The following RHCE variants were observed in gnomAD, a reference collection of about 807,000 sequenced individuals.
RHCE encodes the protein Rh blood group CcEe antigens.
Under a neutral mutation model 43.8 loss-of-function variants are expected in RHCE, and 22 were observed. The ratio of observed to expected loss-of-function variants is 0.50; its 90% CI spans 0.36 to 0.72. The LOEUF (loss-of-function observed/expected upper bound fraction) is 0.72, where lower values mean the gene tolerates loss of function less well. Among genes scored for constraint, RHCE ranks in the 30% least tolerant of loss-of-function variants. The pLI is 0.00. For synonymous variants in RHCE, 156 were observed against 210.7 expected, an observed-to-expected ratio of 0.74 and a Z score of 2.25; for missense variants, 385 against 525.4, an observed-to-expected ratio of 0.73 and a Z score of 2.61.
chr1:25,399,064 T>C (rs1381699212), intron 3 of RHCE: 1 of 1,605,280 alleles, frequency 6.2e-7, no homozygotes, highest in Non-Finnish European at 8.5e-7. Context: ...ACTGACTATG[T>C]TCATGGGGAT....
intron 3 of RHCE, among the ~76,000 whole-genome samples, chr1:25,397,091 G>A (rs557979588): frequency 8.4e-6 from 1 of 119,326 alleles, no homozygotes; most frequent in Admixed American, 1.0e-4. Context: ...CAGCCTGGGT[G>A]ATGGAGCAAG....
At chr1:25,419,502 C>T (rs559229062) in intron 1 of RHCE, among the ~76,000 whole-genome samples, 1 of 152,220 alleles carries the variant, frequency 6.6e-6, no homozygotes, top group Admixed American at 6.5e-5. Context: ...TTCATATCAA[C>T]CTAGGAACAA....
Position 25,391,055 on chromosome 1 carries a change from C to G in RHCE, c.635-140G>C, listed in dbSNP as rs1020842455. Reference sequence around the variant, plus strand: ...AGTTAGATGGGGAAGTCACGTCTCCCCTCCGAGCTCTCAAGCTGATACCAG... The same window carrying G: ...AGTTAGATGGGGAAGTCACGTCTCCGCTCCGAGCTCTCAAGCTGATACCAG... On this transcript the variant is annotated intron_variant, in intron 4 of 9. Transcript: ENST00000294413. 1.0e-5 allele frequency: 12 copies of G among 1,147,940 alleles called. No individual in the cohort carries two copies. In the East Asian group the frequency reaches 2.2e-4, roughly 21 times the overall value. 71.1% of individuals were successfully genotyped at this position (1,147,940 alleles called of 1,614,324 possible). A position where few individuals can be genotyped will look rare whatever the true frequency, so the allele number is the denominator to read the frequency against.
chr1:25,362,452 C>A lies in RHCE; in HGVS notation c.*75G>T. ...ACTTTGCTGTCATGAGCGTTTCTCACGTACAAATGCAGGCAACAGTGAGAG... is the reference window on the plus strand; with the variant it reads ...ACTTTGCTGTCATGAGCGTTTCTCAAGTACAAATGCAGGCAACAGTGAGAG... On this transcript the variant is annotated 3_prime_UTR_variant, in exon 10 of 10. Coordinates refer to ENST00000294413, the MANE Select transcript of RHCE (RefSeq NM_020485.8). 6.2e-7 allele frequency: 1 copy of A among 1,613,164 alleles called. No homozygotes were observed. Among genetic ancestry groups the A allele is most frequent in the Non-Finnish European group, 8.5e-7 (1 of 1,179,428 alleles).
intron 7 of RHCE, among the ~76,000 whole-genome samples, chr1:25,376,186 C>A (rs758696377): frequency 6.6e-6 from 1 of 152,074 alleles, no homozygotes; most frequent in Non-Finnish European, 1.5e-5. Context: ...ACCCATCTCC[C>A]CTGCCCATCC....
intron 4 of RHCE, among the ~76,000 whole-genome samples, chr1:25,391,318 G>A (rs1376258856): frequency 6.6e-6 from 1 of 152,002 alleles, no homozygotes; most frequent in Non-Finnish European, 1.5e-5. Context: ...CCAAGTAGCT[G>A]GGATTACAGG....
intron 1 of RHCE, among the ~76,000 whole-genome samples, chr1:25,415,314 A>G (rs1040660580): frequency 3.3e-5 from 5 of 152,184 alleles, no homozygotes; most frequent in African/African-American, 1.2e-4. Flanking sequence ...CTGGAAGAAA[A>G]CAAGCAATTC....
At chr1:25,418,775 C>G (rs978759125) in intron 1 of RHCE, among the ~76,000 whole-genome samples, 1 of 152,236 alleles carries the variant, frequency 6.6e-6, no homozygotes, top group African/African-American at 2.4e-5. Context: ...GCACCTCCCT[C>G]CAGAAGCCTC....
upstream of RHCE, among the ~76,000 whole-genome samples, chr1:25,425,795 C>G (rs773851820): frequency 1.3e-5 from 2 of 152,218 alleles, no homozygotes; most frequent in African/African-American, 2.4e-5. Flanking sequence ...CTACCTGAGT[C>G]AAGCTCAGTC....
intron 6 of RHCE, among the ~76,000 whole-genome samples, chr1:25,386,835 AC>A (rs1276050715): frequency 2.2e-5 from 3 of 136,596 alleles, no homozygotes; most frequent in Non-Finnish European, 4.7e-5. Context: ...AACAACAACA[AC>A]AACAAAACAC....
In RHCE at chr1:25,362,315, G is replaced by T; in HGVS notation, c.*212C>A. The T allele has an allele frequency of 2.7e-6, 3 of 1,114,344 alleles. No homozygotes were observed. Among genetic ancestry groups the T allele is most frequent in the Non-Finnish European group, 3.8e-6 (3 of 780,282 alleles). 69.0% of individuals were successfully genotyped at this position (1,114,344 alleles called of 1,614,324 possible). On this transcript the variant is annotated 3_prime_UTR_variant, in exon 10 of 10. Coordinates refer to ENST00000294413, the MANE Select transcript of RHCE (RefSeq NM_020485.8). ...AAAATATTGATAGCATCATCCTAATGAAACTAAACATTTATTTTAAACTTA... is the reference window on the plus strand; with the variant it reads ...AAAATATTGATAGCATCATCCTAATTAAACTAAACATTTATTTTAAACTTA...
rs560128294 is a variant in RHCE at position 25,388,553 on chromosome 1, C to G, written c.939+423G>C. Among the ~76,000 whole-genome samples, 15 of 151,540 alleles carry G rather than the reference C, an allele frequency of 9.9e-5. No individual in the cohort carries two copies. In the East Asian group the frequency reaches 2.7e-3, roughly 28 times the overall value. The stretch of plus-strand genomic sequence containing the variant: ...ATTGGGGCCAAGAGATTCCATCCAC[C>G]AGGCTGCTTTCTTGAAGCAAAAGAC... On this transcript the variant is annotated intron_variant, in intron 6 of 9. Coordinates refer to ENST00000294413, the MANE Select transcript of RHCE (RefSeq NM_020485.8).
At chr1:25,379,528 G>T (rs1471613475) in intron 7 of RHCE, among the ~76,000 whole-genome samples, 3 of 110,062 alleles carry the variant, frequency 2.7e-5, no homozygotes, top group South Asian at 3.2e-4. Flanking sequence ...TTTTAAAGAT[G>T]GGATTTTGCT....
intron 1 of RHCE, among the ~76,000 whole-genome samples, chr1:25,410,578 G>A (rs1384070197): frequency 1.3e-5 from 2 of 151,642 alleles, no homozygotes; most frequent in Admixed American, 6.6e-5. Context: ...AACCACAGGC[G>A]CGCACCACCA....
chr1:25,384,524 AGTT>A (rs1646092026), intron 7 of RHCE, among the ~76,000 whole-genome samples: 1 of 152,102 alleles, frequency 6.6e-6, no homozygotes, highest in Admixed American at 6.6e-5. Flanking sequence ...AGAATTGCAC[AGTT>A]ATTAAGACAG....
rs913060606 is a variant in RHCE, at chr1:25,362,253, A to T, written c.*274T>A. 7 of 669,316 alleles carry T rather than the reference A, an allele frequency of 1.0e-5. No homozygotes were observed. The African/African-American group carries it at 1.1e-4, about 10-fold the overall frequency. The allele number at this position is 669,316 out of a possible 1,614,324, so 41.5% of individuals were successfully genotyped here. Reference sequence around the variant, plus strand: ...AAGAATCTTAAGAATTGTCAATAAAATTAACCCAAAACTTTAATAATGTGT... The same window carrying T: ...AAGAATCTTAAGAATTGTCAATAAATTTAACCCAAAACTTTAATAATGTGT... On this transcript the variant is annotated 3_prime_UTR_variant, in exon 10 of 10. Transcript: ENST00000294413.
At chr1:25,387,951 G>A (rs1646235016) in intron 6 of RHCE, among the ~76,000 whole-genome samples, 1 of 152,036 alleles carries the variant, frequency 6.6e-6, no homozygotes, top group Non-Finnish European at 1.5e-5. Flanking sequence ...CTCCTGAGTA[G>A]CTAAGATGAC....
In RHCE at chr1:25,377,438, T is replaced by C. The variant is rs760319166; in HGVS notation, c.1074-2010A>G. On this transcript the variant is annotated intron_variant, in intron 7 of 9. Coordinates refer to ENST00000294413, the MANE Select transcript of RHCE (RefSeq NM_020485.8). ...ATCTCGATCTCTTGACCTTGTGATCTGCCAGCCTCAGCCTCCCAAAGTGCT... is the reference window on the plus strand; with the variant it reads ...ATCTCGATCTCTTGACCTTGTGATCCGCCAGCCTCAGCCTCCCAAAGTGCT... 9.2e-4 allele frequency among the ~76,000 whole-genome samples: 140 copies of C among 152,152 alleles called. 1 individual carries two copies. Among genetic ancestry groups the C allele is most frequent in the Non-Finnish European group, 1.6e-3 (107 of 68,000 alleles).
chr1:25,380,555 G>A (rs1157794413), intron 7 of RHCE, among the ~76,000 whole-genome samples: 1 of 152,196 alleles, frequency 6.6e-6, no homozygotes, highest in African/African-American at 2.4e-5. Context: ...AATGTAGGTG[G>A]GAGAAGGCAT....
Sources: gnomAD v4.1 joint callset for allele counts (sites outside exome capture counted in the v4.1 genomes callset) on GRCh38, gnomAD v4.1.1 for gene constraint, MANE v1.5 for transcripts, NCBI Gene and HGNC (gene_info 2026-07-23, HGNC 2026-07-21) for gene names.